DUT: variants seen among roughly 807,000 people sequenced by gnomAD.
The protein encoded by DUT is deoxyuridine triphosphatase.
Under a neutral mutation model 28.8 loss-of-function variants are expected in DUT, and 21 were observed. That is an observed-to-expected ratio of 0.73 (90% CI 0.52 to 1.05). The LOEUF (loss-of-function observed/expected upper bound fraction) is 1.05, where lower values mean the gene tolerates loss of function less well. Among genes scored for constraint, DUT ranks in the 50% least tolerant of loss-of-function variants. The probability of loss-of-function intolerance (pLI) is 0.00; values close to 1 mark genes in which losing one functional copy is unlikely to be tolerated. For synonymous variants in DUT, 147 were observed against 143.7 expected (o/e 1.02, Z -0.17); for missense variants, 344 against 351.8 (o/e 0.98, Z 0.18).
At chr15:48,337,270 G>A (rs535197285) in intron 4 of DUT, among the ~76,000 whole-genome samples, 14 of 152,194 alleles carry the variant, frequency 9.2e-5, no homozygotes, top group African/African-American at 3.1e-4. Context: ...GTTCAAAAAT[G>A]CTTTTACAAG....
At chr15:48,333,525 C>T (rs896027677) in intron 2 of DUT, among the ~76,000 whole-genome samples, 9 of 152,146 alleles carry the variant, frequency 5.9e-5, no homozygotes, top group Non-Finnish European at 1.5e-5. Context: ...TAGGGCTTAA[C>T]TGTTTAAAGA....
chr15:48,332,528 C>T (rs1184231216), intron 2 of DUT, 122 bp downstream of exon 2: 29 of 962,008 alleles, frequency 3.0e-5, no homozygotes, highest in Non-Finnish European at 4.1e-5. Flanking sequence ...CTGCCTTTTT[C>T]GTGTTTAAAA....
rs985715148 is a variant in DUT, at chr15:48,342,915, C to T, written c.*837C>T. ...CTTCAGCCACCAGGTTTTTCTGTCT[C>T]ACATACATAAGCAGCATTTCATTGC... On this transcript the variant is annotated 3_prime_UTR_variant, in exon 7 of 7. Transcript: ENST00000331200. 6.6e-6 allele frequency: 1 copy of T among 152,210 alleles called. No individual in the cohort carries two copies. Among genetic ancestry groups the T allele is most frequent in the African/African-American group, 2.4e-5 (1 of 41,450 alleles). The allele number at this position is 152,210 out of a possible 1,614,324, so 9.4% of individuals were successfully genotyped here.
chr15:48,336,390 C>T (rs1284770241), intron 4 of DUT, among the ~76,000 whole-genome samples: 2 of 152,078 alleles, frequency 1.3e-5, no homozygotes, highest in East Asian at 3.9e-4. Context: ...TAAGAATTTT[C>T]TTCATAAGAG....
intron 3 of DUT, 34 bp downstream of exon 3, chr15:48,334,542 A>T: frequency 6.8e-7 from 1 of 1,465,592 alleles, no homozygotes; most frequent in Non-Finnish European, 9.5e-7. Flanking sequence ...ACTATTTGTC[A>T]AGTTCTCCTT....
chr15:48,331,848 T>G (rs1361452160), intron 1 of DUT, 53 bp downstream of exon 1: 271 of 912,904 alleles, frequency 3.0e-4, no homozygotes, highest in Admixed American at 3.9e-4. Context: ...CCACGCGGCT[T>G]GAGGCTGTGG....
At chr15:48,338,651 A>C (rs2042499392) in intron 4 of DUT, among the ~76,000 whole-genome samples, 1 of 152,202 alleles carries the variant, frequency 6.6e-6, no homozygotes, top group African/African-American at 2.4e-5. Context: ...AAATATTGGC[A>C]AGGATTTTGG....
intron 4 of DUT, chr15:48,340,143 A>T (rs1014770782): frequency 2.0e-5 from 3 of 152,004 alleles, no homozygotes; most frequent in African/African-American, 7.3e-5. Context: ...TTCCTTCATC[A>T]GGGCTTTTGT....
chr15:48,332,512 G>C lies in DUT; in HGVS notation c.419+106G>C, dbSNP rs1324337172. 4 of 1,043,146 alleles carry C rather than the reference G, an allele frequency of 3.8e-6. No homozygotes were observed. In the African/African-American group the frequency reaches 4.9e-5, roughly 13 times the overall value. 64.6% of individuals were successfully genotyped at this position (1,043,146 alleles called of 1,614,324 possible). A position where few individuals can be genotyped will look rare whatever the true frequency, so the allele number is the denominator to read the frequency against. ...CACAGGAACACACTAGCTATAAATA[G>C]GATTTCTGCCTTTTTCGTGTTTAAA... On this transcript the variant is annotated intron_variant, in intron 2 of 6. Transcript: ENST00000331200.
upstream of DUT, chr15:48,331,370 G>C: frequency 6.8e-7 from 1 of 1,463,880 alleles, no homozygotes; most frequent in South Asian, 1.4e-5. Context: ...CTGGGCTGCC[G>C]GGGCACCGCC....
intron 4 of DUT, among the ~76,000 whole-genome samples, chr15:48,337,529 A>G (rs760830545): frequency 2.0e-5 from 3 of 152,240 alleles, no homozygotes; most frequent in African/African-American, 4.8e-5. Context: ...AATACCTAAT[A>G]TAGTACTTGG....
intron 2 of DUT, chr15:48,332,724 ATAGAAAAACCAAGGTGAGAGCC>A (rs2042432462): frequency 1.8e-6 from 1 of 568,732 alleles, no homozygotes; most frequent in African/African-American, 1.9e-5. Flanking sequence ...GCTGTGCTCA[ATAGAAAAACCAAGGTGAGAGCC>A]TAGATGTGAG....
chr15:48,332,200 G>C, intron 1 of DUT, 68 bp from the exon 2 acceptor site: 2 of 1,511,496 alleles, frequency 1.3e-6, no homozygotes, highest in South Asian at 1.3e-5. Flanking sequence ...GACGCTCATC[G>C]TGCGCTCTCC....
intron 2 of DUT, chr15:48,332,698 G>A: frequency 1.6e-6 from 1 of 614,412 alleles, no homozygotes; most frequent in Admixed American, 2.1e-5. Flanking sequence ...TGGCTTTCGA[G>A]TGGCCCGAGG....
intron 4 of DUT, among the ~76,000 whole-genome samples, chr15:48,338,461 T>C (rs996890120): frequency 4.0e-5 from 6 of 151,892 alleles, no homozygotes; most frequent in Admixed American, 6.6e-5. Flanking sequence ...TTGCAACTTA[T>C]ATGAAAAAGA....
chr15:48,342,174 G>A lies in DUT; in HGVS notation c.*96G>A. 1.3e-6 allele frequency: 1 copy of A among 761,272 alleles called. No homozygotes were observed. The highest frequency in any genetic ancestry group is 1.9e-6 in the Non-Finnish European group (1 of 513,766). The allele number at this position is 761,272 out of a possible 1,614,324, so 47.2% of individuals were successfully genotyped here. ...AAGTGTTTTGGTGTTTTGCACTTCT[G>A]TAAACTTACTAGCTTTACCTTCTAA... On this transcript the variant is annotated 3_prime_UTR_variant, in exon 7 of 7. Coordinates refer to ENST00000331200, the MANE Select transcript of DUT (RefSeq NM_001025248.2).
In DUT at chr15:48,332,257, C is replaced by T. The variant is rs776596008; in HGVS notation, c.281-11C>T. The T allele has an allele frequency of 1.0e-5, 16 of 1,603,314 alleles. No homozygotes were observed. In the African/African-American group the frequency reaches 1.8e-4, roughly 18 times the overall value. ...GCTCGCCTTCTGGCTCTGCCATGCC[C>T]TGCTCTGAAGAGACACCCGCCATTT... On this transcript the variant is annotated splice_polypyrimidine_tract_variant and intron_variant, in intron 1 of 6. Transcript: ENST00000331200.
intron 4 of DUT, 97 bp downstream of exon 4, chr15:48,336,187 G>T (rs529869253): frequency 4.8e-6 from 5 of 1,043,268 alleles, no homozygotes; most frequent in Admixed American, 3.3e-5. Context: ...TTTAAGAAAA[G>T]AAAATGATTA....
chr15:48,332,206 T>A, intron 1 of DUT, 62 bp from the exon 2 acceptor site: 1 of 1,524,436 alleles, frequency 6.6e-7, no homozygotes, highest in South Asian at 1.2e-5. Flanking sequence ...CATCGTGCGC[T>A]CTCCTCTTCC....
Sources: gnomAD v4.1 joint callset for allele counts (sites outside exome capture counted in the v4.1 genomes callset) on GRCh38, gnomAD v4.1.1 for gene constraint, MANE v1.5 for transcripts, NCBI Gene and HGNC (gene_info 2026-07-23, HGNC 2026-07-21) for gene names.